The following CTTNBP2NL variants were observed in gnomAD, a reference collection of about 807,000 sequenced individuals.
CTTNBP2NL encodes CTTNBP2 N-terminal like, also known as CTTNBP2 N-terminal-like protein.
A neutral mutation model predicts 32.5 loss-of-function variants in CTTNBP2NL; 16 were observed. The ratio of observed to expected loss-of-function variants is 0.49; its 90% CI spans 0.33 to 0.75. The LOEUF (loss-of-function observed/expected upper bound fraction) is 0.75, where lower values mean the gene tolerates loss of function less well. Ranked by LOEUF, CTTNBP2NL falls within the 30% of genes least tolerant of loss-of-function variation. The pLI is 0.02. For missense variants in CTTNBP2NL, 645 were observed against 756.0 expected (o/e 0.85, Z 1.72); for synonymous variants, 298 against 289.4 (o/e 1.03, Z -0.30).
At chr1:112,395,115 G>C (rs981349015), upstream of CTTNBP2NL, among the ~76,000 whole-genome samples, 4 of 152,224 alleles carry the variant, frequency 2.6e-5, no homozygotes, top group Non-Finnish European at 5.9e-5. Context: ...GCAAGCACTA[G>C]GTCCCTAATG....
chr1:112,408,220 ATTT>A (rs397981257), intron 1 of CTTNBP2NL, among the ~76,000 whole-genome samples: 2 of 103,732 alleles, frequency 1.9e-5, no homozygotes, highest in Admixed American at 9.9e-5. Context: ...TTTTTTTTTA[ATTT>A]TTTTTTTTTT....
At chr1:112,401,018 G>C (rs1462556688) in intron 1 of CTTNBP2NL, among the ~76,000 whole-genome samples, 1 of 149,168 alleles carries the variant, frequency 6.7e-6, no homozygotes. Context: ...ACACATACAC[G>C]TGCACATATC....
intron 1 of CTTNBP2NL, among the ~76,000 whole-genome samples, chr1:112,409,688 T>C (rs1453802584): frequency 6.6e-6 from 1 of 152,178 alleles, no homozygotes; most frequent in African/African-American, 2.4e-5. Context: ...CGCCATTCAG[T>C]CTCTATATGG....
intron 2 of CTTNBP2NL, chr1:112,415,782 C>G: frequency 4.4e-6 from 1 of 227,526 alleles, no homozygotes; most frequent in South Asian, 5.7e-5. Context: ...GTCTCGATCT[C>G]CTGACTTCGT....
At chr1:112,449,722 T>C (rs894888600) in intron 4 of CTTNBP2NL, among the ~76,000 whole-genome samples, 2 of 130,370 alleles carry the variant, frequency 1.5e-5, no homozygotes, top group African/African-American at 3.4e-5. Context: ...ACTCTATTAG[T>C]GAGGGGTGTG....
intron 4 of CTTNBP2NL, among the ~76,000 whole-genome samples, chr1:112,453,014 C>T (rs1439836813): frequency 1.3e-5 from 2 of 151,488 alleles, no homozygotes; most frequent in Non-Finnish European, 2.9e-5. Flanking sequence ...GCTCAGGAGG[C>T]TGAGGTGGGA....
Position 112,458,505 on chromosome 1 carries a change from C to A in CTTNBP2NL, c.*1093C>A, listed in dbSNP as rs61256030. ...ATACACACACTTAAACACATAAATA[C>A]TAGTGTGATTATATCTTTGGAGTTT... is the stretch of plus-strand genomic sequence containing the variant. On this transcript the variant is annotated 3_prime_UTR_variant, in exon 6 of 6. Transcript: ENST00000271277. 2.6e-5 allele frequency: 4 copies of A among 152,244 alleles called. No homozygotes were observed. Among genetic ancestry groups the A allele is most frequent in the African/African-American group, 4.8e-5 (2 of 41,352 alleles). 9.4% of individuals were successfully genotyped at this position (152,244 alleles called of 1,614,324 possible).
chr1:112,396,424 C>G (rs1319489029), intron 1 of CTTNBP2NL, 152 bp downstream of exon 1: 12 of 152,276 alleles, frequency 7.9e-5, no homozygotes, highest in South Asian at 4.1e-4. Context: ...CTCCACCTCC[C>G]GGTATTCCCC....
chr1:112,447,659 A>C (rs1570743249), intron 3 of CTTNBP2NL, among the ~76,000 whole-genome samples: 1 of 152,168 alleles, frequency 6.6e-6, no homozygotes, highest in East Asian at 1.9e-4. Flanking sequence ...TAAAAAAAAA[A>C]CCCATGTTTG....
At chr1:112,421,260 T>TA (rs1649218085) in intron 3 of CTTNBP2NL, among the ~76,000 whole-genome samples, 1 of 151,154 alleles carries the variant, frequency 6.6e-6, no homozygotes, top group African/African-American at 2.4e-5. Context: ...CCTGAAGTGC[T>TA]AAGAGTTTGA....
In CTTNBP2NL at chr1:112,457,389, T is replaced by G; in HGVS notation, c.1897T>G (p.Leu633Val). The G allele has an allele frequency of 1.9e-6, 3 of 1,612,220 alleles. No individual in the cohort carries two copies. The African/African-American group carries it at 4.0e-5, about 21-fold the overall frequency. ...TVVANGKDVE[L>V]LLPTSS is the part of the protein sequence containing the mutation. The stretch of plus-strand genomic sequence containing the variant: ...TGTAGCAAATGGTAAGGATGTTGAG[T>G]TACTTTTGCCTACCAGCAGCTAGTC... The change falls in exon 6 of 6, where the codon TTA (leucine) becomes GTA (valine). Residue 633 changes from leucine to valine, a missense_variant. By Grantham distance (32) the Leu-to-Val change is conservative. Coordinates refer to ENST00000271277, the MANE Select transcript of CTTNBP2NL (RefSeq NM_018704.3).
At chr1:112,410,860 T>G (rs1406944716) in intron 1 of CTTNBP2NL, among the ~76,000 whole-genome samples, 1 of 152,224 alleles carries the variant, frequency 6.6e-6, no homozygotes, top group Non-Finnish European at 1.5e-5. Context: ...GAGCATCTAG[T>G]TGAACTGATC....
rs761475280 is a variant in CTTNBP2NL, at chr1:112,456,616, G to A, written c.1124G>A (p.Arg375Gln). 24 of 1,613,972 alleles carry A rather than the reference G, an allele frequency of 1.5e-5. No individual in the cohort carries two copies. Among genetic ancestry groups the A allele is most frequent in the Non-Finnish European group, 1.9e-5 (22 of 1,180,020 alleles). ...GNNVENQVPPREKSVALAQEK... is the reference protein window; with the variant it reads ...GNNVENQVPPQEKSVALAQEK... ...AATGTAGAAAACCAGGTGCCTCCAC[G>A]GGAAAAATCTGTGGCATTGGCCCAA... The change falls in exon 6 of 6, where the codon CGG (arginine) becomes CAG (glutamine). Residue 375 changes from arginine (R) to glutamine (Q), a missense_variant. Physicochemically the swap from Arg to Gln is conservative, Grantham distance 43. Coordinates refer to ENST00000271277, the MANE Select transcript of CTTNBP2NL (RefSeq NM_018704.3).
intron 2 of CTTNBP2NL, among the ~76,000 whole-genome samples, chr1:112,413,798 A>G (rs747807393): frequency 1.3e-5 from 2 of 152,212 alleles, no homozygotes; most frequent in African/African-American, 2.4e-5. Context: ...CTTTAATCTC[A>G]GCACTTTGAG....
intron 3 of CTTNBP2NL, among the ~76,000 whole-genome samples, chr1:112,437,766 G>A (rs1223668314): frequency 2.0e-5 from 3 of 151,902 alleles, no homozygotes; most frequent in African/African-American, 4.8e-5. Context: ...CTTGTGATCC[G>A]CCTGCCTCAG....
At chr1:112,425,748 G>A (rs961410666) in intron 3 of CTTNBP2NL, among the ~76,000 whole-genome samples, 4 of 151,398 alleles carry the variant, frequency 2.6e-5, no homozygotes, top group South Asian at 2.1e-4. Flanking sequence ...CTGTAACCCC[G>A]GCTACTAGGG....
rs907929043 is a variant in CTTNBP2NL, at chr1:112,449,146, G to T, written c.304G>T (p.Ala102Ser). 6.2e-7 allele frequency: 1 copy of T among 1,611,532 alleles called. No individual in the cohort carries two copies. The highest frequency in any genetic ancestry group is 1.3e-5 in the African/African-American group (1 of 75,000). Reference protein sequence around the residue: ...NMQERMLSQLAAAESRHRKVI... With the variant: ...NMQERMLSQLSAAESRHRKVI... ...GCAGGAGCGCATGCTGTCCCAGCTG[G>T]CTGCTGCTGAGAGCAGGCACCGAAA... is the stretch of plus-strand genomic sequence containing the variant. The change falls in exon 4 of 6, where the codon GCT becomes TCT. Residue 102 changes from alanine (A) to serine (S), a missense_variant. Physicochemically the swap from Ala to Ser is moderately conservative, Grantham distance 99 (BLOSUM62 1). Coordinates refer to ENST00000271277, the MANE Select transcript of CTTNBP2NL (RefSeq NM_018704.3).
chr1:112,441,686 C>G (rs1237755876), intron 3 of CTTNBP2NL, among the ~76,000 whole-genome samples: 2 of 152,170 alleles, frequency 1.3e-5, no homozygotes, highest in Non-Finnish European at 1.5e-5. Flanking sequence ...GTTCTACTTA[C>G]TCTACATTCC....
chr1:112,450,815 G>A (rs1341497280), intron 4 of CTTNBP2NL, among the ~76,000 whole-genome samples: 1 of 138,866 alleles, frequency 7.2e-6, no homozygotes. Context: ...CACCCAGGCT[G>A]GAGTGCAGTG....
Sources: allele counts gnomAD v4.1 joint callset (sites outside exome capture counted in the v4.1 genomes callset), GRCh38; gene constraint gnomAD v4.1.1; transcripts MANE v1.5; gene names NCBI Gene and HGNC (gene_info 2026-07-23, HGNC 2026-07-21).